The following CWC27 variants were observed in gnomAD, a reference collection of about 807,000 sequenced individuals.
CWC27 encodes CWC27 spliceosome associated cyclophilin.
A neutral mutation model predicts 63.6 loss-of-function variants in CWC27; 47 were observed. The ratio of observed to expected loss-of-function variants is 0.74; its 90% CI spans 0.58 to 0.94. The LOEUF (loss-of-function observed/expected upper bound fraction) is 0.94. CWC27 is among the 40% of genes least tolerant of loss of function. The pLI is 0.00. For synonymous variants in CWC27, 175 were observed against 179.8 expected (o/e 0.97, Z 0.22); for missense variants, 495 against 554.3 (o/e 0.89, Z 1.07).
In CWC27 at chr5:64,788,227, A is replaced by T. The variant is rs185728217; in HGVS notation, c.600-724A>T. Among the ~76,000 whole-genome samples, 3 of 152,124 alleles carry T rather than the reference A, an allele frequency of 2.0e-5. No homozygotes were observed. In the East Asian group the frequency reaches 5.8e-4, roughly 29 times the overall value. ...ATGATTTATCTTAACAATAAACTCT[A>T]AAGTCTTTTTTTGGTGTGTTTTGCT... is the stretch of plus-strand genomic sequence containing the variant. On this transcript the variant is annotated intron_variant, in intron 6 of 13. Coordinates refer to ENST00000381070, the MANE Select transcript of CWC27 (RefSeq NM_005869.4).
chr5:64,843,787 G>A (rs892251643), intron 10 of CWC27, among the ~76,000 whole-genome samples: 2 of 152,066 alleles, frequency 1.3e-5, no homozygotes, highest in Admixed American at 1.3e-4. Flanking sequence ...AATCAAAATG[G>A]AAGTATAGTT....
At chr5:64,804,501 T>C (rs1308984042) in intron 10 of CWC27, 115 bp downstream of exon 10, 5 of 1,118,646 alleles carry the variant, frequency 4.5e-6, no homozygotes, top group Non-Finnish European at 6.1e-6. Context: ...TAATGTTTGA[T>C]AAACATAACA....
intron 11 of CWC27, among the ~76,000 whole-genome samples, chr5:64,932,705 C>T (rs1748262961): frequency 6.6e-6 from 1 of 152,176 alleles, no homozygotes; most frequent in African/African-American, 2.4e-5. Context: ...ACCTCTTCCC[C>T]AATCTGCCAT....
At chr5:64,903,952 C>G (rs1747566417) in intron 11 of CWC27, among the ~76,000 whole-genome samples, 2 of 152,292 alleles carry the variant, frequency 1.3e-5, no homozygotes, top group African/African-American at 2.4e-5. Context: ...GCATATAACA[C>G]ATTTTGTTTA....
intron 11 of CWC27, among the ~76,000 whole-genome samples, chr5:64,927,366 C>G (rs1188546428): frequency 6.6e-6 from 1 of 152,034 alleles, no homozygotes; most frequent in Non-Finnish European, 1.5e-5. Context: ...CTGTGCCAGG[C>G]ATTTTCCATG....
chr5:64,947,678 C>T (rs1226871630), intron 11 of CWC27, among the ~76,000 whole-genome samples: 1 of 152,028 alleles, frequency 6.6e-6, no homozygotes, highest in East Asian at 1.9e-4. Context: ...GCTCATTCAG[C>T]ATAATGGTGA....
chr5:64,921,971 G>A (rs1395171788), intron 11 of CWC27, among the ~76,000 whole-genome samples: 1 of 152,170 alleles, frequency 6.6e-6, no homozygotes, highest in African/African-American at 2.4e-5. Flanking sequence ...ATTTTATGAT[G>A]TTGAAAATAG....
At chr5:64,925,690 A>G (rs896925525) in intron 11 of CWC27, among the ~76,000 whole-genome samples, 1 of 152,228 alleles carries the variant, frequency 6.6e-6, no homozygotes, top group African/African-American at 2.4e-5. Flanking sequence ...CCAACTTTAC[A>G]TGATTTTCAG....
chr5:65,009,498 A>T (rs1012059684), intron 13 of CWC27, among the ~76,000 whole-genome samples: 1 of 152,200 alleles, frequency 6.6e-6, no homozygotes, highest in African/African-American at 2.4e-5. Context: ...CCTAAAACTC[A>T]TATGTTGAAG....
chr5:64,888,843 C>T (rs1351209048), intron 11 of CWC27, among the ~76,000 whole-genome samples: 1 of 151,856 alleles, frequency 6.6e-6, no homozygotes, highest in Non-Finnish European at 1.5e-5. Context: ...GTATTTTCCC[C>T]TAAATATTTA....
chr5:64,960,993 A>G (rs1748898566), intron 11 of CWC27, among the ~76,000 whole-genome samples: 1 of 152,096 alleles, frequency 6.6e-6, no homozygotes, highest in Admixed American at 6.5e-5. Context: ...GTCCTGAGAC[A>G]ACAGAGGGTA....
At chr5:64,831,887 C>T (rs901227000) in intron 10 of CWC27, among the ~76,000 whole-genome samples, 2 of 151,890 alleles carry the variant, frequency 1.3e-5, no homozygotes, top group Non-Finnish European at 2.9e-5. Flanking sequence ...ATATCTGCCT[C>T]TTTATTCACT....
chr5:64,999,145 C>G (rs1269797127), intron 13 of CWC27, among the ~76,000 whole-genome samples: 1 of 151,966 alleles, frequency 6.6e-6, no homozygotes, highest in Admixed American at 6.6e-5. Context: ...TTACTGTGAT[C>G]TCTACTATCT....
At chr5:64,942,750 G>A (rs904287673) in intron 11 of CWC27, among the ~76,000 whole-genome samples, 1 of 152,154 alleles carries the variant, frequency 6.6e-6, no homozygotes. Context: ...CTACTTACTC[G>A]TTACTGTAGA....
intron 7 of CWC27, among the ~76,000 whole-genome samples, chr5:64,796,041 G>A (rs1055697871): frequency 3.4e-5 from 5 of 146,348 alleles, no homozygotes; most frequent in African/African-American, 5.1e-5. Context: ...GTGTGTGTGT[G>A]TATTAATAAG....
chr5:64,986,153 G>A (rs1252780689), intron 13 of CWC27, among the ~76,000 whole-genome samples: 1 of 152,128 alleles, frequency 6.6e-6, no homozygotes, highest in African/African-American at 2.4e-5. Context: ...AGTTTCCTGA[G>A]GCCTCCCCAG....
chr5:64,977,299 C>T (rs1749244734), intron 13 of CWC27, 61 bp downstream of exon 13: 2 of 1,123,218 alleles, frequency 1.8e-6, no homozygotes, highest in East Asian at 2.6e-5. Flanking sequence ...AGAGACACTA[C>T]TGGGGCATTT....
intron 11 of CWC27, among the ~76,000 whole-genome samples, chr5:64,937,121 A>T (rs1184578370): frequency 6.6e-6 from 1 of 151,426 alleles, no homozygotes; most frequent in African/African-American, 2.4e-5. Flanking sequence ...GATCTTAGTT[A>T]TTTCTTGTCT....
intron 11 of CWC27, among the ~76,000 whole-genome samples, chr5:64,931,266 G>T (rs535786622): frequency 2.0e-5 from 3 of 152,008 alleles, no homozygotes; most frequent in African/African-American, 7.2e-5. Context: ...AGTCTCAAAT[G>T]ATTGAGAAAA....
Sources: gnomAD v4.1 joint callset for allele counts (sites outside exome capture counted in the v4.1 genomes callset) on GRCh38, gnomAD v4.1.1 for gene constraint, MANE v1.5 for transcripts, NCBI Gene and HGNC (gene_info 2026-07-23, HGNC 2026-07-21) for gene names.